Variants in ARID1B observed in about 807,000 individuals in gnomAD.
The protein encoded by ARID1B is AT-rich interaction domain 1B.
A neutral mutation model predicts 212.3 loss-of-function variants in ARID1B; 30 were observed. The ratio of observed to expected loss-of-function variants is 0.14; its 90% CI spans 0.11 to 0.19. ARID1B has a LOEUF of 0.19. Among genes scored for constraint, ARID1B ranks in the 10% least tolerant of loss-of-function variants. The probability of loss-of-function intolerance (pLI) is 1.00; values close to 1 mark genes in which losing one functional copy is unlikely to be tolerated. For missense variants in ARID1B, 2,891 were observed against 3,204.0 expected (o/e 0.90, Z 2.36); for synonymous variants, 1,402 against 1,301.7 (o/e 1.08, Z -1.66).
At chr6:156,854,636 G>A in intron 2 of ARID1B, among the ~76,000 whole-genome samples, 1 of 152,250 alleles carries the variant, frequency 6.6e-6, no homozygotes, top group East Asian at 1.9e-4. Context: ...GCCTGCTGCT[G>A]TAAACCGTCG....
intron 2 of ARID1B, among the ~76,000 whole-genome samples, chr6:156,883,106 G>A (rs1222335769): frequency 6.6e-6 from 1 of 152,166 alleles, no homozygotes; most frequent in Non-Finnish European, 1.5e-5. Flanking sequence ...TTTGTGAGGC[G>A]CCTTTAGGCT....
At chr6:156,776,583 G>C (rs1778635910), upstream of ARID1B, 1 of 152,182 alleles carries the variant, frequency 6.6e-6, no homozygotes, top group South Asian at 2.1e-4. Context: ...ATGTTCATGT[G>C]AAAGTTGGCG....
chr6:156,788,413 C>G (rs1337938244), intron 1 of ARID1B, among the ~76,000 whole-genome samples: 1 of 152,178 alleles, frequency 6.6e-6, no homozygotes, highest in Non-Finnish European at 1.5e-5. Flanking sequence ...AGCTGCTACC[C>G]CATTCAATAT....
chr6:157,192,917 A>G (rs1030111824), intron 15 of ARID1B, among the ~76,000 whole-genome samples: 2 of 152,192 alleles, frequency 1.3e-5, no homozygotes, highest in African/African-American at 4.8e-5. Flanking sequence ...GACTAACTTC[A>G]GTGGAAAACA....
At chr6:157,120,782 A>T (rs936107757) in intron 6 of ARID1B, among the ~76,000 whole-genome samples, 1 of 152,028 alleles carries the variant, frequency 6.6e-6, no homozygotes, top group African/African-American at 2.4e-5. Context: ...CAAATGAAAA[A>T]CGTGCTTGCT....
chr6:157,197,964 T>C (rs1051302609), intron 16 of ARID1B, among the ~76,000 whole-genome samples: 1 of 152,236 alleles, frequency 6.6e-6, no homozygotes, highest in Admixed American at 6.5e-5. Context: ...AATTCAGTTA[T>C]TTGTTTTTAT....
chr6:156,996,181 C>A (rs1778578291), intron 4 of ARID1B, among the ~76,000 whole-genome samples: 1 of 152,176 alleles, frequency 6.6e-6, no homozygotes, highest in Non-Finnish European at 1.5e-5. Context: ...AAGGAGTAAT[C>A]TAAGCCACAG....
intron 4 of ARID1B, among the ~76,000 whole-genome samples, chr6:157,069,808 C>A (rs1180142643): frequency 1.3e-5 from 2 of 152,186 alleles, no homozygotes; most frequent in Admixed American, 6.5e-5. Flanking sequence ...CGCAAACATA[C>A]CTTTCTTTGT....
intron 6 of ARID1B, among the ~76,000 whole-genome samples, chr6:157,126,370 C>T (rs551450951): frequency 2.0e-5 from 3 of 152,240 alleles, no homozygotes; most frequent in African/African-American, 7.2e-5. Context: ...CAAACAAATC[C>T]ATAGGGGGTG....
chr6:157,121,838 G>A (rs1000702895), intron 6 of ARID1B, among the ~76,000 whole-genome samples: 4 of 151,954 alleles, frequency 2.6e-5, no homozygotes, highest in African/African-American at 4.8e-5. Context: ...CACCATGTTG[G>A]CCAGGCTGGT....
intron 4 of ARID1B, among the ~76,000 whole-genome samples, chr6:156,975,793 C>CA: frequency 6.6e-6 from 1 of 152,024 alleles, no homozygotes; most frequent in Non-Finnish European, 1.5e-5. Context: ...TGGTGCATGT[C>CA]ACGAGCGTCC....
At chr6:156,861,194 G>A (rs1015110020) in intron 2 of ARID1B, among the ~76,000 whole-genome samples, 3 of 152,142 alleles carry the variant, frequency 2.0e-5, no homozygotes, top group African/African-American at 4.8e-5. Flanking sequence ...TGGGGAGGGG[G>A]GACAGGCATG....
At chr6:157,084,210 C>T (rs1408122730) in intron 4 of ARID1B, among the ~76,000 whole-genome samples, 2 of 150,608 alleles carry the variant, frequency 1.3e-5, no homozygotes, top group East Asian at 3.9e-4. Flanking sequence ...ATTACAATAT[C>T]CTAGTTTGAA....
At chr6:157,007,616 A>G (rs1223679087) in intron 4 of ARID1B, among the ~76,000 whole-genome samples, 2 of 152,218 alleles carry the variant, frequency 1.3e-5, no homozygotes, top group Admixed American at 1.3e-4. Context: ...ATAAGAAATG[A>G]GTCAGAGAGT....
At chr6:156,917,365 A>G (rs1467697162) in intron 3 of ARID1B, among the ~76,000 whole-genome samples, 4 of 152,222 alleles carry the variant, frequency 2.6e-5, no homozygotes, top group African/African-American at 4.8e-5. Context: ...ACTGTTTTGC[A>G]TGTGGGAATC....
chr6:157,152,392 C>G (rs1484715017), intron 8 of ARID1B: 1 of 152,166 alleles, frequency 6.6e-6, no homozygotes, highest in Admixed American at 6.5e-5. Flanking sequence ...ACACCTCCTC[C>G]TTAATTAAAA....
chr6:157,079,801 C>T (rs1460374061), intron 4 of ARID1B, among the ~76,000 whole-genome samples: 1 of 152,090 alleles, frequency 6.6e-6, no homozygotes, highest in East Asian at 1.9e-4. Flanking sequence ...TAGCACCGCA[C>T]TTGGCACAAG....
chr6:157,127,783 C>CAAAAAAAAAA (rs61172896), intron 6 of ARID1B, among the ~76,000 whole-genome samples: 4 of 56,778 alleles, frequency 7.0e-5, no homozygotes, highest in Admixed American at 2.2e-4. Context: ...GACTCTGTCT[C>CAAAAAAAAAA]AAAAAAAAAA....
intron 2 of ARID1B, among the ~76,000 whole-genome samples, chr6:156,896,775 A>G (rs995776009): frequency 2.6e-5 from 4 of 152,012 alleles, no homozygotes; most frequent in African/African-American, 9.7e-5. Context: ...GCTACTCGGG[A>G]GGCTGAAGCA....
Sources: gnomAD v4.1 joint callset for allele counts (sites outside exome capture counted in the v4.1 genomes callset) on GRCh38, gnomAD v4.1.1 for gene constraint, MANE v1.5 for transcripts, NCBI Gene and HGNC (gene_info 2026-07-23, HGNC 2026-07-21) for gene names.